PCSK2: variants seen among roughly 807,000 people sequenced by gnomAD.
The protein encoded by PCSK2 is neuroendocrine convertase 2.
A neutral mutation model predicts 69.7 loss-of-function variants in PCSK2; 14 were observed. That is an observed-to-expected ratio of 0.20 (90% CI 0.13 to 0.31). The LOEUF is 0.31. Among genes scored for constraint, PCSK2 ranks in the 10% least tolerant of loss-of-function variants. PCSK2 has a pLI of 1.00. For synonymous variants in PCSK2, 307 were observed against 320.7 expected (o/e 0.96, Z 0.46); for missense variants, 544 against 842.5 (o/e 0.65, Z 4.39).
intron 11 of PCSK2, 72 bp from the exon 12 acceptor site, chr20:17,481,512 A>G: frequency 1.4e-6 from 2 of 1,456,406 alleles, no homozygotes; most frequent in Middle Eastern, 1.8e-4. Flanking sequence ...CGCCACCTGA[A>G]GCTGCCCTCA....
At chr20:17,312,906 T>C (rs1600480840) in intron 2 of PCSK2, among the ~76,000 whole-genome samples, 1 of 152,184 alleles carries the variant, frequency 6.6e-6, no homozygotes, top group Admixed American at 6.5e-5. Context: ...TTTCAGGCTG[T>C]TCCCACAAGT....
Position 17,252,790 on chromosome 20 carries a change from T to A in PCSK2, c.178-7450T>A, listed in dbSNP as rs190909345. Among the ~76,000 whole-genome samples the A allele has an allele frequency of 2.2e-4, 33 of 152,250 alleles. 2 individuals carry two copies. Among genetic ancestry groups the A allele is most frequent in the Admixed American group, 2.6e-4 (4 of 15,282 alleles). On this transcript the variant is annotated intron_variant, in intron 1 of 11. Coordinates refer to ENST00000262545, the MANE Select transcript of PCSK2 (RefSeq NM_002594.5). ...AGCACCAAACACAGTGCCTGGCTTA[T>A]GACAAGGAACACAAAAATACACAAT...
chr20:17,259,842 C>T (rs1056895964), intron 1 of PCSK2, among the ~76,000 whole-genome samples: 1 of 152,040 alleles, frequency 6.6e-6, no homozygotes, highest in African/African-American at 2.4e-5. Flanking sequence ...TACAAAACAT[C>T]GCAGCATAAT....
chr20:17,339,410 C>T lies in PCSK2; in HGVS notation c.283-18917C>T, dbSNP rs556587875. ...GAACACAAACATTGAGCTCATGATC[C>T]GTCGACATTTCCTCATTGGCTTTGG... is the stretch of plus-strand genomic sequence containing the variant. On this transcript the variant is annotated intron_variant, in intron 2 of 11. Transcript: ENST00000262545. Among the ~76,000 whole-genome samples the T allele has an allele frequency of 7.2e-5, 11 of 152,268 alleles. No individual in the cohort carries two copies. In the East Asian group the frequency reaches 9.7e-4, roughly 13 times the overall value.
At chr20:17,349,169 C>T (rs977002925) in intron 2 of PCSK2, among the ~76,000 whole-genome samples, 2 of 152,170 alleles carry the variant, frequency 1.3e-5, no homozygotes, top group Non-Finnish European at 2.9e-5. Context: ...ATGGGCTCCA[C>T]AGCTTGCTGG....
intron 2 of PCSK2, among the ~76,000 whole-genome samples, chr20:17,348,747 C>G (rs551110465): frequency 6.6e-6 from 1 of 152,214 alleles, no homozygotes; most frequent in African/African-American, 2.4e-5. Context: ...GTCCTCACAC[C>G]ATTCCCTCTG....
At chr20:17,255,097 T>G (rs1446078594) in intron 1 of PCSK2, among the ~76,000 whole-genome samples, 1 of 152,226 alleles carries the variant, frequency 6.6e-6, no homozygotes, top group Non-Finnish European at 1.5e-5. Flanking sequence ...GTACAAGATA[T>G]GTCTTCTGCA....
At chr20:17,337,657 G>A (rs1028017783) in intron 2 of PCSK2, among the ~76,000 whole-genome samples, 16 of 152,094 alleles carry the variant, frequency 1.1e-4, no homozygotes, top group African/African-American at 3.9e-4. Flanking sequence ...GGTGTGCAGT[G>A]ACTCAGGCCC....
At chr20:17,333,507 G>T (rs1398570515) in intron 2 of PCSK2, among the ~76,000 whole-genome samples, 1 of 152,102 alleles carries the variant, frequency 6.6e-6, no homozygotes. Flanking sequence ...TGGTCACCAG[G>T]CATGGAGCAG....
chr20:17,260,579 C>G (rs1199101204), intron 2 of PCSK2, among the ~76,000 whole-genome samples: 1 of 152,194 alleles, frequency 6.6e-6, no homozygotes, highest in Non-Finnish European at 1.5e-5. Context: ...GGATACCACC[C>G]TTTTACTGGC....
chr20:17,440,164 C>T (rs1250436073), intron 8 of PCSK2, among the ~76,000 whole-genome samples: 1 of 152,202 alleles, frequency 6.6e-6, no homozygotes, highest in African/African-American at 2.4e-5. Flanking sequence ...CTCCATTCCT[C>T]ACTTTTTGCA....
chr20:17,432,603 TTCAA>T (rs2032391213), intron 7 of PCSK2, among the ~76,000 whole-genome samples: 1 of 152,236 alleles, frequency 6.6e-6, no homozygotes, highest in African/African-American at 2.4e-5. Context: ...AAACAACATC[TTCAA>T]TCAAAAAGAT....
At chr20:17,361,348 G>C (rs1313572601) in intron 4 of PCSK2, among the ~76,000 whole-genome samples, 2 of 151,912 alleles carry the variant, frequency 1.3e-5, no homozygotes, top group Non-Finnish European at 2.9e-5. Context: ...ACTTAGCAGA[G>C]CTTCATTTTC....
At chr20:17,403,950 A>G (rs1458612183) in intron 5 of PCSK2, among the ~76,000 whole-genome samples, 3 of 152,222 alleles carry the variant, frequency 2.0e-5, no homozygotes, top group Admixed American at 1.3e-4. Flanking sequence ...ATTGAAAATG[A>G]CATTCCCTAC....
intron 2 of PCSK2, among the ~76,000 whole-genome samples, chr20:17,324,590 T>G (rs1989983987): frequency 6.6e-6 from 1 of 152,140 alleles, no homozygotes; most frequent in African/African-American, 2.4e-5. Context: ...TAGCCCACCT[T>G]GGTCCTGATC....
intron 5 of PCSK2, among the ~76,000 whole-genome samples, chr20:17,400,656 C>T (rs1299819771): frequency 6.6e-5 from 10 of 152,146 alleles, no homozygotes; most frequent in African/African-American, 2.4e-5. Flanking sequence ...CTAGACCCCA[C>T]GCCTCTCCCC....
chr20:17,293,958 G>T (rs954635192), intron 2 of PCSK2, among the ~76,000 whole-genome samples: 6 of 151,820 alleles, frequency 4.0e-5, no homozygotes, highest in Non-Finnish European at 7.4e-5. Flanking sequence ...TATCTTTGGG[G>T]TTTCAATTTC....
chr20:17,255,435 G>A (rs567516600), intron 1 of PCSK2, among the ~76,000 whole-genome samples: 10 of 151,742 alleles, frequency 6.6e-5, no homozygotes, highest in East Asian at 3.9e-4. Context: ...TCTGCCTCCC[G>A]GGTTCATGCC....
At chr20:17,476,310 G>C (rs761017) in intron 11 of PCSK2, among the ~76,000 whole-genome samples, 19,179 of 152,056 alleles carry the variant, frequency 0.13, 1,159 homozygotes, top group East Asian at 0.15. Flanking sequence ...ATTTAGACCC[G>C]CACTGTCCAG....
Sources: gnomAD v4.1 joint callset for allele counts (sites outside exome capture counted in the v4.1 genomes callset) on GRCh38, gnomAD v4.1.1 for gene constraint, MANE v1.5 for transcripts, NCBI Gene and HGNC (gene_info 2026-07-23, HGNC 2026-07-21) for gene names.